Variants in MYO5A observed in about 807,000 individuals in gnomAD.
MYO5A encodes myosin VA.
MYO5A carries 98 observed loss-of-function variants against 249.7 expected under a neutral mutation model. The observed-to-expected ratio is 0.39, with a 90% CI of 0.33 to 0.46. The LOEUF (loss-of-function observed/expected upper bound fraction) is 0.46. Ranked by LOEUF, MYO5A falls within the 20% of genes least tolerant of loss-of-function variation. The probability of loss-of-function intolerance (pLI) is 0.98; values close to 1 mark genes in which losing one functional copy is unlikely to be tolerated. For missense variants in MYO5A, 1,696 were observed against 2,308.8 expected (o/e 0.73, Z 5.44); for synonymous variants, 778 against 810.6 (o/e 0.96, Z 0.68).
At chr15:52,492,926 A>G (rs1277443561) in intron 1 of MYO5A, among the ~76,000 whole-genome samples, 1 of 152,206 alleles carries the variant, frequency 6.6e-6, no homozygotes, top group Non-Finnish European at 1.5e-5. Context: ...GGTAGTTTTT[A>G]AACATAGGAG....
chr15:52,441,139 T>G (rs1037107520), intron 1 of MYO5A, among the ~76,000 whole-genome samples: 1 of 152,190 alleles, frequency 6.6e-6, no homozygotes, highest in East Asian at 1.9e-4. Flanking sequence ...CTTTAGAGCA[T>G]GTTTTTGGTA....
intron 9 of MYO5A, among the ~76,000 whole-genome samples, chr15:52,401,548 C>T (rs2042757869): frequency 6.6e-6 from 1 of 152,168 alleles, no homozygotes; most frequent in Admixed American, 6.5e-5. Flanking sequence ...AGATTAATTG[C>T]TATTTCTTCA....
chr15:52,479,669 T>C (rs569039675), intron 1 of MYO5A, among the ~76,000 whole-genome samples: 60 of 152,342 alleles, frequency 3.9e-4, no homozygotes, highest in South Asian at 8.3e-4. Context: ...ATGATCCTAT[T>C]TTTGTTTAAT....
intron 1 of MYO5A, among the ~76,000 whole-genome samples, chr15:52,482,364 T>C (rs2076732255): frequency 6.6e-6 from 1 of 152,210 alleles, no homozygotes; most frequent in African/African-American, 2.4e-5. Context: ...GTGAGTGGGC[T>C]TGGGCCCTTT....
intron 30 of MYO5A, among the ~76,000 whole-genome samples, chr15:52,344,345 T>C (rs1567037638): frequency 6.6e-6 from 1 of 152,188 alleles, no homozygotes; most frequent in African/African-American, 2.4e-5. Context: ...TAAATCCATA[T>C]GTATAAATCT....
At chr15:52,424,560 G>A (rs1203858026) in intron 4 of MYO5A, among the ~76,000 whole-genome samples, 6 of 151,992 alleles carry the variant, frequency 3.9e-5, no homozygotes, top group Non-Finnish European at 7.4e-5. Flanking sequence ...TTATTAAAAG[G>A]GCATAATGAT....
chr15:52,401,371 C>G (rs1483537282), intron 9 of MYO5A, among the ~76,000 whole-genome samples: 2 of 151,988 alleles, frequency 1.3e-5, no homozygotes, highest in African/African-American at 4.8e-5. Flanking sequence ...CGCCTGGCCT[C>G]TCATAAGTTT....
chr15:52,483,710 T>C (rs2414155), intron 1 of MYO5A, among the ~76,000 whole-genome samples: 22,868 of 152,216 alleles, frequency 0.15, 1,831 homozygotes, highest in Middle Eastern at 0.22. Context: ...TGTTAAAAGA[T>C]ATCCTGGCAA....
At chr15:52,488,595 T>C (rs1284386490) in intron 1 of MYO5A, among the ~76,000 whole-genome samples, 1 of 152,202 alleles carries the variant, frequency 6.6e-6, no homozygotes, top group Non-Finnish European at 1.5e-5. Flanking sequence ...AACACACATT[T>C]GATCAGAAAT....
intron 16 of MYO5A, among the ~76,000 whole-genome samples, chr15:52,380,945 G>A (rs974500983): frequency 6.6e-6 from 1 of 152,082 alleles, no homozygotes; most frequent in South Asian, 2.1e-4. Flanking sequence ...TGCCCCATAC[G>A]GTTATATTTT....
At chr15:52,410,512 G>T (rs778865034) in intron 5 of MYO5A, 36 bp from the exon 6 acceptor site, 1 of 1,571,096 alleles carries the variant, frequency 6.4e-7, no homozygotes, top group East Asian at 2.3e-5. Flanking sequence ...TTTTAGAAGT[G>T]TAATTCATAA....
chr15:52,379,034 T>C (rs183878594), intron 18 of MYO5A, among the ~76,000 whole-genome samples: 36 of 152,358 alleles, frequency 2.4e-4, no homozygotes, highest in African/African-American at 8.4e-4. Flanking sequence ...TGCAAAAAAC[T>C]GTTTTCTGAG....
At chr15:52,454,512 A>G (rs907102931) in intron 1 of MYO5A, among the ~76,000 whole-genome samples, 2 of 152,124 alleles carry the variant, frequency 1.3e-5, no homozygotes, top group Non-Finnish European at 2.9e-5. Context: ...AAACAGGCCT[A>G]ACATTTACAG....
chr15:52,452,503 C>G (rs1320383092), intron 1 of MYO5A, among the ~76,000 whole-genome samples: 3 of 152,102 alleles, frequency 2.0e-5, no homozygotes, highest in Non-Finnish European at 4.4e-5. Flanking sequence ...GGATATAGGA[C>G]CATCATCCTG....
At chr15:52,373,039 G>A (rs1465279204) in intron 20 of MYO5A, among the ~76,000 whole-genome samples, 2 of 151,402 alleles carry the variant, frequency 1.3e-5, no homozygotes, top group African/African-American at 4.9e-5. Context: ...ATTTTCCATT[G>A]CTATTTCAAA....
In MYO5A at chr15:52,354,690, C is replaced by T. The variant is rs549299840; in HGVS notation, c.3424-676G>A. ...CCAACACGGTGAAACCCCATCTCTGCTAAAAATATAAAAATTAGCCGGGCC... is the reference window on the plus strand; with the variant it reads ...CCAACACGGTGAAACCCCATCTCTGTTAAAAATATAAAAATTAGCCGGGCC... On this transcript the variant is annotated intron_variant, in intron 25 of 41. Coordinates refer to ENST00000399233, the MANE Select transcript of MYO5A (RefSeq NM_001382347.1). Among the ~76,000 whole-genome samples, 13 of 152,172 alleles carry T rather than the reference C, an allele frequency of 8.5e-5. No individual in the cohort carries two copies. In the East Asian group the frequency reaches 2.5e-3, roughly 29 times the overall value.
At position 52,327,878 on chromosome 15, in the gene MYO5A, T is replaced by C; in HGVS notation, c.4684A>G (p.Ile1562Val). Residue 1562 changes from isoleucine (I) to valine (V), a missense_variant, in exon 36 of 42, where the codon ATT becomes GTT. Around this residue, in one of 5 missense-constraint regions of MYO5A, gnomAD observed 625 missense variants for 908.1 expected, o/e 0.69. Transcript: ENST00000399233. ...TTCAATACTTTTTTGATGCTGTTAATTGTTGATGTTAGCAACGACCTTACT... is the reference window on the plus strand; with the variant it reads ...TTCAATACTTTTTTGATGCTGTTAACTGTTGATGTTAGCAACGACCTTACT... ...QKVRSLLTST[I>V]NSIKKVLKKR... 1 of 1,613,994 alleles carries C rather than the reference T, an allele frequency of 6.2e-7. No individual in the cohort carries two copies. Among genetic ancestry groups the C allele is most frequent in the Non-Finnish European group, 8.5e-7 (1 of 1,179,874 alleles).
Position 52,323,463 on chromosome 15 carries a change from C to A in MYO5A, c.4711-19G>T. On this transcript the variant is annotated intron_variant, in intron 36 of 41. Coordinates refer to ENST00000399233, the MANE Select transcript of MYO5A (RefSeq NM_001382347.1). ...CTCTTTTCTGAAAGAGAGAATAAGT[C>A]TAAACTTGCCTTTTCCTTAGGGAAA... is the stretch of plus-strand genomic sequence containing the variant. 2 of 1,590,524 alleles carry A rather than the reference C, an allele frequency of 1.3e-6. No homozygotes were observed. Among genetic ancestry groups the A allele is most frequent in the South Asian group, 2.2e-5 (2 of 90,354 alleles).
At chr15:52,317,268 G>A (rs748157228) in intron 39 of MYO5A, 46 bp from the exon 40 acceptor site, 14 of 1,582,418 alleles carry the variant, frequency 8.8e-6, no homozygotes, top group Non-Finnish European at 1.1e-5. Context: ...GCTGAATTTT[G>A]TCAAAAATGT....
Sources: gnomAD v4.1 joint callset for allele counts (sites outside exome capture counted in the v4.1 genomes callset) on GRCh38, gnomAD v4.1.1 for gene constraint, gnomAD v4.1.1 regional missense constraint, MANE v1.5 for transcripts, NCBI Gene and HGNC (gene_info 2026-07-23, HGNC 2026-07-21) for gene names.